Variants in SNTG1 observed in about 807,000 individuals in gnomAD.
SNTG1 encodes the protein syntrophin gamma 1.
SNTG1 carries 39 observed loss-of-function variants against 74.7 expected under a neutral mutation model. That is an observed-to-expected ratio of 0.52 (90% confidence interval 0.40 to 0.68). The LOEUF (loss-of-function observed/expected upper bound fraction) is 0.68, where lower values mean the gene tolerates loss of function less well. Ranked by LOEUF, SNTG1 falls within the 30% of genes least tolerant of loss-of-function variation. The pLI is 0.00. For synonymous variants in SNTG1, 254 were observed against 217.1 expected (o/e 1.17, Z -1.49); for missense variants, 685 against 609.5 (o/e 1.12, Z -1.30).
chr8:50,389,918 T>A (rs1306197844), intron 2 of SNTG1, among the ~76,000 whole-genome samples: 1 of 152,240 alleles, frequency 6.6e-6, no homozygotes, highest in South Asian at 2.1e-4. Flanking sequence ...TTCGCCCACT[T>A]GTTGATGGGG....
At chr8:50,352,300 A>G (rs2091685072) in intron 2 of SNTG1, among the ~76,000 whole-genome samples, 1 of 152,104 alleles carries the variant, frequency 6.6e-6, no homozygotes, top group Non-Finnish European at 1.5e-5. Context: ...GAGGAAGGGA[A>G]CTTTAAGTGC....
chr8:50,367,503 AT>A (rs1468558533), intron 2 of SNTG1, among the ~76,000 whole-genome samples: 5 of 152,132 alleles, frequency 3.3e-5, no homozygotes, highest in Admixed American at 6.6e-5. Flanking sequence ...TGAGAGAAAT[AT>A]GTGTTTACTT....
intron 12 of SNTG1, among the ~76,000 whole-genome samples, chr8:50,556,333 G>C (rs1434564490): frequency 6.6e-6 from 1 of 152,092 alleles, no homozygotes; most frequent in African/African-American, 2.4e-5. Context: ...TGCTGTTGTG[G>C]GGTGGGTGGG....
intron 12 of SNTG1, among the ~76,000 whole-genome samples, chr8:50,571,257 T>G (rs563056395): frequency 6.6e-6 from 1 of 152,086 alleles, no homozygotes; most frequent in Admixed American, 6.5e-5. Context: ...AGGGCTGGAG[T>G]TAGCATGGCC....
intron 1 of SNTG1, among the ~76,000 whole-genome samples, chr8:50,022,200 C>T (rs946884871): frequency 2.2e-4 from 33 of 152,158 alleles, no homozygotes; most frequent in Non-Finnish European, 3.2e-4. Context: ...GGGGAAATAA[C>T]ATCCCTGTGA....
chr8:50,510,554 T>A (rs1021562134), intron 9 of SNTG1, among the ~76,000 whole-genome samples: 2 of 152,232 alleles, frequency 1.3e-5, no homozygotes, highest in Non-Finnish European at 2.9e-5. Flanking sequence ...CTGGACTTTT[T>A]TTGGTTGGTA....
intron 2 of SNTG1, among the ~76,000 whole-genome samples, chr8:50,234,368 C>G (rs58283738): frequency 6.6e-6 from 1 of 151,742 alleles, no homozygotes; most frequent in East Asian, 1.9e-4. Context: ...TAGTGGATTG[C>G]GTGGGTTAGG....
intron 11 of SNTG1, among the ~76,000 whole-genome samples, chr8:50,544,613 T>C (rs2094372858): frequency 6.6e-6 from 1 of 152,124 alleles, no homozygotes; most frequent in African/African-American, 2.4e-5. Context: ...TCCAGATGAC[T>C]CCTTACATTT....
chr8:50,345,256 T>G (rs969266290), intron 2 of SNTG1, among the ~76,000 whole-genome samples: 1 of 152,192 alleles, frequency 6.6e-6, no homozygotes, highest in Non-Finnish European at 1.5e-5. Context: ...GCCCTCCTGT[T>G]CAGTAACAGG....
At chr8:50,177,029 T>C (rs1373801847) in intron 2 of SNTG1, among the ~76,000 whole-genome samples, 3 of 152,078 alleles carry the variant, frequency 2.0e-5, no homozygotes, top group Non-Finnish European at 2.9e-5. Flanking sequence ...GGACTAAAAG[T>C]GTGGGCCTGT....
At chr8:50,339,180 A>G (rs898523118) in intron 2 of SNTG1, among the ~76,000 whole-genome samples, 2 of 152,106 alleles carry the variant, frequency 1.3e-5, no homozygotes, top group African/African-American at 2.4e-5. Flanking sequence ...AACACACCCA[A>G]CTGGAATTCT....
intron 1 of SNTG1, among the ~76,000 whole-genome samples, chr8:49,917,754 C>T (rs1263944404): frequency 6.6e-6 from 1 of 152,044 alleles, no homozygotes; most frequent in Non-Finnish European, 1.5e-5. Context: ...TTATTCAAAC[C>T]TATATCTCTT....
chr8:49,991,684 C>A (rs755490010), intron 1 of SNTG1, among the ~76,000 whole-genome samples: 1 of 152,104 alleles, frequency 6.6e-6, no homozygotes, highest in Non-Finnish European at 1.5e-5. Context: ...AAACATTACG[C>A]TATTGAAATA....
chr8:50,365,206 G>T (rs1309706473), intron 2 of SNTG1, among the ~76,000 whole-genome samples: 1 of 152,022 alleles, frequency 6.6e-6, no homozygotes, highest in Non-Finnish European at 1.5e-5. Context: ...TCTAAAACTA[G>T]ATTTCTAGAA....
At chr8:50,690,555 G>A (rs560087606) in intron 15 of SNTG1, among the ~76,000 whole-genome samples, 2 of 152,150 alleles carry the variant, frequency 1.3e-5, no homozygotes, top group African/African-American at 4.8e-5. Context: ...TAGTTGTGTG[G>A]TTTTGAGTGA....
chr8:49,937,125 G>A (rs1808157265), intron 1 of SNTG1, among the ~76,000 whole-genome samples: 1 of 152,174 alleles, frequency 6.6e-6, no homozygotes, highest in African/African-American at 2.4e-5. Flanking sequence ...CTCCAGCCTG[G>A]GGGACAGAGC....
chr8:50,468,500 C>T (rs1277309579), intron 8 of SNTG1, among the ~76,000 whole-genome samples: 1 of 152,008 alleles, frequency 6.6e-6, no homozygotes, highest in African/African-American at 2.4e-5. Context: ...TATTTTTCTC[C>T]ATCTCTTTAC....
intron 15 of SNTG1, among the ~76,000 whole-genome samples, chr8:50,673,108 C>T (rs766319534): frequency 2.0e-5 from 3 of 152,102 alleles, no homozygotes; most frequent in African/African-American, 7.2e-5. Context: ...AGTCAGGCAG[C>T]CTGATGCCTC....
At position 50,407,283 on chromosome 8, in the gene SNTG1, G is replaced by A. The variant is rs528762243; in HGVS notation, c.162+4939G>A. On this transcript the variant is annotated intron_variant, in intron 4 of 18. Transcript: ENST00000642720. ...TCTGCTTAAGTGAGTGGAAAGGTTA[G>A]GAGAATGTTCTAAGGAAAGGCAGAT... 5.3e-5 allele frequency among the ~76,000 whole-genome samples: 8 copies of A among 152,166 alleles called. 1 individual carries two copies. Among genetic ancestry groups the A allele is most frequent in the Non-Finnish European group, 1.2e-4 (8 of 68,030 alleles).
Sources: allele counts gnomAD v4.1 joint callset (sites outside exome capture counted in the v4.1 genomes callset), GRCh38; gene constraint gnomAD v4.1.1; transcripts MANE v1.5; gene names NCBI Gene and HGNC (gene_info 2026-07-23, HGNC 2026-07-21).